SCG3: variants seen among roughly 807,000 people sequenced by gnomAD.
SCG3 encodes the protein secretogranin-3.
In SCG3, 38 loss-of-function variants were observed where a neutral mutation model predicts 56.2. That is an observed-to-expected ratio of 0.68 (90% confidence interval 0.52 to 0.89). SCG3 has a LOEUF of 0.89. SCG3 is among the 40% of genes least tolerant of loss of function. The pLI, the probability that SCG3 is intolerant of heterozygous loss-of-function variation, is 0.00. For synonymous variants in SCG3, 176 were observed against 184.2 expected (o/e 0.96, Z 0.36); for missense variants, 524 against 540.7 (o/e 0.97, Z 0.31).
intron 11 of SCG3, among the ~76,000 whole-genome samples, chr15:51,717,005 C>T (rs989724044): frequency 6.6e-6 from 1 of 152,172 alleles, no homozygotes; most frequent in Non-Finnish European, 1.5e-5. Flanking sequence ...GTGGGAGGAT[C>T]ACTTGAGGCC....
intron 4 of SCG3, 127 bp from the exon 5 acceptor site, chr15:51,688,133 G>A: frequency 1.1e-6 from 1 of 896,500 alleles, no homozygotes; most frequent in Non-Finnish European, 1.6e-6. Flanking sequence ...TGTGGACCGA[G>A]AACCACCATA....
At position 51,719,445 on chromosome 15, in the gene SCG3, A is replaced by G; in HGVS notation, c.1326A>G (p.Lys442=). ...DLSKMRDFIN[K]QADAYVEKGI... ...CAAAGATGAGAGACTTCATCAATAAACAAGCTGATGCTTATGTGGAGAAAG... is the reference window on the plus strand; with the variant it reads ...CAAAGATGAGAGACTTCATCAATAAGCAAGCTGATGCTTATGTGGAGAAAG... Residue 442 remains lysine, a synonymous_variant, in exon 12 of 12, where the codon AAA becomes AAG. Transcript: ENST00000220478. 6.2e-7 allele frequency: 1 copy of G among 1,614,086 alleles called. No homozygotes were observed. Among genetic ancestry groups the G allele is most frequent in the Non-Finnish European group, 8.5e-7 (1 of 1,179,950 alleles).
rs1462247948 is a variant in SCG3 at position 51,720,807 on chromosome 15, A to G, written c.*1281A>G. Reference sequence around the variant, plus strand: ...CACTCTGTAAAACGCACCAATCAGCACTCTGTAAAATGCACCAATCAGCAG... The same window carrying G: ...CACTCTGTAAAACGCACCAATCAGCGCTCTGTAAAATGCACCAATCAGCAG... On this transcript the variant is annotated 3_prime_UTR_variant, in exon 12 of 12. Coordinates refer to ENST00000220478, the MANE Select transcript of SCG3 (RefSeq NM_013243.4). The G allele has an allele frequency of 5.6e-6, 1 of 177,414 alleles. No homozygotes were observed. The highest frequency in any genetic ancestry group is 1.1e-5 in the Non-Finnish European group (1 of 89,044). The allele number at this position is 177,414 out of a possible 1,614,324, so 11.0% of individuals were successfully genotyped here.
At chr15:51,716,146 C>A (rs548214093) in intron 11 of SCG3, among the ~76,000 whole-genome samples, 1 of 152,124 alleles carries the variant, frequency 6.6e-6, no homozygotes, top group Non-Finnish European at 1.5e-5. Context: ...TGTGAGCCAC[C>A]GCGCCCAGCA....
intron 6 of SCG3, 57 bp from the exon 7 acceptor site, chr15:51,692,102 G>A (rs1452565715): frequency 2.0e-6 from 3 of 1,482,614 alleles, no homozygotes; most frequent in African/African-American, 1.4e-5. Flanking sequence ...GAATCAAGCT[G>A]GAGTTTCACT....
chr15:51,713,447 C>T (rs779626174), intron 11 of SCG3, 34 bp downstream of exon 11: 2 of 1,392,024 alleles, frequency 1.4e-6, no homozygotes, highest in African/African-American at 1.5e-5. Flanking sequence ...TTGCAAACTT[C>T]ACCCATTTGT....
chr15:51,711,110 G>A (rs2055417836), intron 10 of SCG3, among the ~76,000 whole-genome samples: 1 of 152,156 alleles, frequency 6.6e-6, no homozygotes, highest in Non-Finnish European at 1.5e-5. Context: ...GAAGACTTCT[G>A]GGAAACAGTA....
At position 51,683,450 on chromosome 15, in the gene SCG3, A is replaced by C; in HGVS notation, c.397+16A>C. ...AAATTTCAAGGTAAATGAGAAAAAAAGAACTTTTTGTTAACGTGGAGTTTC... is the reference window on the plus strand; with the variant it reads ...AAATTTCAAGGTAAATGAGAAAAAACGAACTTTTTGTTAACGTGGAGTTTC... On this transcript the variant is annotated intron_variant, in intron 4 of 11. Coordinates refer to ENST00000220478, the MANE Select transcript of SCG3 (RefSeq NM_013243.4). 6.4e-7 allele frequency: 1 copy of C among 1,556,620 alleles called. No homozygotes were observed.
At chr15:51,718,235 C>CAGACAGACAGAA (rs1159156809) in intron 11 of SCG3, among the ~76,000 whole-genome samples, 3 of 141,154 alleles carry the variant, frequency 2.1e-5, no homozygotes, top group African/African-American at 7.9e-5. Context: ...GACAGACAGA[C>CAGACAGACAGAA]AGATGTCATA....
chr15:51,709,850 A>T (rs1490983219), intron 10 of SCG3, among the ~76,000 whole-genome samples: 16 of 142,438 alleles, frequency 1.1e-4, no homozygotes, highest in Non-Finnish European at 2.4e-4. Flanking sequence ...CCTCCCGAGT[A>T]GCTGGGACTA....
intron 9 of SCG3, 119 bp from the exon 10 acceptor site, chr15:51,700,988 C>G: frequency 7.6e-7 from 1 of 1,318,964 alleles, no homozygotes; most frequent in Admixed American, 2.1e-5. Context: ...AGATCCCTTT[C>G]AACTCAAAAT....
chr15:51,686,738 C>G (rs940626449), intron 4 of SCG3, among the ~76,000 whole-genome samples: 4 of 145,122 alleles, frequency 2.8e-5, no homozygotes, highest in Admixed American at 1.3e-4. Context: ...AGGGGCTTTT[C>G]TGCTTTTTTG....
At chr15:51,710,467 T>G (rs189450392) in intron 10 of SCG3, among the ~76,000 whole-genome samples, 1 of 152,342 alleles carries the variant, frequency 6.6e-6, no homozygotes, top group African/African-American at 2.4e-5. Flanking sequence ...GAGTTGATAA[T>G]GTTGATATAG....
chr15:51,702,851 G>T (rs1481093165), intron 10 of SCG3, among the ~76,000 whole-genome samples: 2 of 152,160 alleles, frequency 1.3e-5, no homozygotes, highest in Non-Finnish European at 2.9e-5. Context: ...TGGCATCTTT[G>T]ATATAATTGG....
chr15:51,695,774 A>AC, intron 7 of SCG3, 101 bp from the exon 8 acceptor site: 1 of 734,922 alleles, frequency 1.4e-6, no homozygotes, highest in South Asian at 1.7e-5. Context: ...AAAAAAAAAA[A>AC]AACCCAAACA....
intron 6 of SCG3, 30 bp downstream of exon 6, chr15:51,689,398 G>GTGT (rs1555457351): frequency 2.2e-6 from 2 of 903,804 alleles, no homozygotes; most frequent in Non-Finnish European, 3.1e-6. Flanking sequence ...CATATGCATG[G>GTGT]GGGTGTGTGT....
chr15:51,685,408 G>A (rs1326659553), intron 4 of SCG3, among the ~76,000 whole-genome samples: 2 of 152,160 alleles, frequency 1.3e-5, no homozygotes, highest in African/African-American at 4.8e-5. Context: ...CCGCTAATTT[G>A]AGCAACTAAT....
chr15:51,681,881 C>T (rs757324931), intron 1 of SCG3, 44 bp downstream of exon 1: 3 of 1,523,998 alleles, frequency 2.0e-6, no homozygotes, highest in South Asian at 1.1e-5. Context: ...TTTATTTCGC[C>T]ACGAAAAGGT....
At chr15:51,704,236 CATACATACATATATATAT>C (rs1385217161) in intron 10 of SCG3, among the ~76,000 whole-genome samples, 48 of 54,310 alleles carry the variant, frequency 8.8e-4, no homozygotes, top group African/African-American at 2.5e-3. Flanking sequence ...TGTATACATA[CATACATACATATATATAT>C]ATATATATAT....
Sources: allele counts gnomAD v4.1 joint callset (sites outside exome capture counted in the v4.1 genomes callset), GRCh38; gene constraint gnomAD v4.1.1; transcripts MANE v1.5; gene names NCBI Gene and HGNC (gene_info 2026-07-23, HGNC 2026-07-21).